Variants in NBAS observed in about 807,000 individuals in gnomAD.
NBAS encodes NBAS subunit of NRZ tethering complex, also known as NAG/BC035112 fusion.
In NBAS, 219 loss-of-function variants were observed where a neutral mutation model predicts 302.5. The observed-to-expected ratio is 0.72, with a 90% CI of 0.65 to 0.81. The LOEUF (loss-of-function observed/expected upper bound fraction) is 0.81, where lower values mean the gene tolerates loss of function less well. Among genes scored for constraint, NBAS ranks in the 30% least tolerant of loss-of-function variants. The pLI, the probability that NBAS is intolerant of heterozygous loss-of-function variation, is 0.00. For missense variants in NBAS, 2,932 were observed against 2,841.6 expected, an observed-to-expected ratio of 1.03 and a Z score of -0.72; for synonymous variants, 1,118 against 1,021.6, an observed-to-expected ratio of 1.09 and a Z score of -1.80.
chr2:15,411,708 A>G (rs1324119857), intron 25 of NBAS, among the ~76,000 whole-genome samples: 1 of 152,204 alleles, frequency 6.6e-6, no homozygotes, highest in Non-Finnish European at 1.5e-5. Flanking sequence ...GGACATTTAA[A>G]GCAGTTGTTC....
At chr2:15,006,675 C>A in the NBAS span, among the ~76,000 whole-genome samples, 1 of 152,158 alleles carries the variant, frequency 6.6e-6, no homozygotes, top group Admixed American at 6.5e-5. Context: ...TAATACATAA[C>A]TATTCGTTTA....
chr2:15,097,033 G>A, the NBAS span, among the ~76,000 whole-genome samples: 3 of 152,322 alleles, frequency 2.0e-5, no homozygotes, highest in African/African-American at 7.2e-5. Context: ...GAGAAGAGAA[G>A]GATGCAAGCT....
chr2:14,815,351 G>A, the NBAS span, among the ~76,000 whole-genome samples: 10 of 152,162 alleles, frequency 6.6e-5, no homozygotes, highest in Non-Finnish European at 1.5e-4. Flanking sequence ...TAGAGCCTGA[G>A]CACACACAGT....
the NBAS span, among the ~76,000 whole-genome samples, chr2:14,889,233 G>T: frequency 6.6e-6 from 1 of 152,324 alleles, no homozygotes; most frequent in East Asian, 1.9e-4. Context: ...GCAGCATCCT[G>T]TTTTGTATCT....
chr2:14,879,484 C>T, the NBAS span, among the ~76,000 whole-genome samples: 6 of 151,934 alleles, frequency 3.9e-5, no homozygotes, highest in African/African-American at 4.8e-5. Flanking sequence ...TGACATTAAC[C>T]GTATATTTTT....
the NBAS span, among the ~76,000 whole-genome samples, chr2:14,981,128 A>G: frequency 6.6e-6 from 1 of 152,224 alleles, no homozygotes; most frequent in South Asian, 2.1e-4. Context: ...TAAATGAAGC[A>G]TATGAGTTTC....
Position 15,534,776 on chromosome 2 carries a change from C to T in NBAS, c.648-135G>A, listed in dbSNP as rs571800906. The T allele has an allele frequency of 2.2e-5, 16 of 721,948 alleles. No individual in the cohort carries two copies. The South Asian group carries it at 2.3e-4, about 10-fold the overall frequency. 44.7% of individuals were successfully genotyped at this position (721,948 alleles called of 1,614,324 possible). On this transcript the variant is annotated intron_variant, in intron 8 of 51. Transcript: ENST00000281513. ...CTGAGGATATAAAACAACCAGAACT[C>T]GAATACGTCACAATGAGAAGGTAAT... is the stretch of plus-strand genomic sequence containing the variant.
the NBAS span, among the ~76,000 whole-genome samples, chr2:14,844,156 T>G: frequency 1.3e-5 from 2 of 151,950 alleles, no homozygotes; most frequent in Non-Finnish European, 2.9e-5. Context: ...TTTTTCCACT[T>G]AAAAAAAGAG....
rs369814990 is a variant in NBAS at position 15,359,694 on chromosome 2, CA to C, written c.3818-3279del. Among the ~76,000 whole-genome samples, 1,377 of 151,650 alleles carry C rather than the reference CA, an allele frequency of 9.1e-3. 20 individuals carry two copies. The highest frequency in any genetic ancestry group is 0.071 in the South Asian group (340 of 4,796). On this transcript the variant is annotated intron_variant, in intron 32 of 51. Coordinates refer to ENST00000281513, the MANE Select transcript of NBAS (RefSeq NM_015909.4). ...TTATTTGAATGGTAGGCTATCCGGA[CA>C]AAAAAAATTGTGATTATCTTTTTAA...
the NBAS span, among the ~76,000 whole-genome samples, chr2:15,158,750 C>T: frequency 6.6e-6 from 1 of 152,120 alleles, no homozygotes; most frequent in Admixed American, 6.5e-5. Flanking sequence ...AGGATGTGGC[C>T]CCAGGGCTCC....
rs1667513606 is a variant in NBAS at position 15,234,650 on chromosome 2, G to C, written c.6041C>G (p.Pro2014Arg). Residue 2014 changes from proline (P) to arginine (R), a missense_variant, in exon 46 of 52, where the codon CCT (proline) becomes CGT (arginine). Pro to Arg is a moderately radical substitution (Grantham distance 103). Coordinates refer to ENST00000281513, the MANE Select transcript of NBAS (RefSeq NM_015909.4). ...TAGCAGCTGCTGAATCATTGCTAGAGGCTGACCATCTAAACAAATAGCCAC... is the reference window on the plus strand; with the variant it reads ...TAGCAGCTGCTGAATCATTGCTAGACGCTGACCATCTAAACAAATAGCCAC... ...EAVAICLDGQ[P>R]LAMIQQLLEV... is the part of the protein sequence containing the mutation. The C allele has an allele frequency of 6.2e-7, 1 of 1,614,140 alleles. No homozygotes were observed.
intron 21 of NBAS, among the ~76,000 whole-genome samples, chr2:15,451,708 C>T (rs759008621): frequency 1.3e-5 from 2 of 152,078 alleles, no homozygotes; most frequent in Non-Finnish European, 2.9e-5. Context: ...AAAGTCTCCA[C>T]GTTTGCCTAT....
At chr2:15,189,762 C>T (rs1221834242) in intron 49 of NBAS, among the ~76,000 whole-genome samples, 2 of 152,150 alleles carry the variant, frequency 1.3e-5, no homozygotes, top group Non-Finnish European at 2.9e-5. Flanking sequence ...ACTTATTAGC[C>T]GTGTGAAGCC....
intron 16 of NBAS, among the ~76,000 whole-genome samples, chr2:15,471,061 T>G (rs1195774482): frequency 6.6e-6 from 1 of 152,188 alleles, no homozygotes; most frequent in African/African-American, 2.4e-5. Flanking sequence ...GCTCTTGCTC[T>G]TAACTGTCTA....
At chr2:15,429,022 A>AGCTACTCAGGAGG (rs1191886321) in intron 21 of NBAS, among the ~76,000 whole-genome samples, 3 of 143,002 alleles carry the variant, frequency 2.1e-5, no homozygotes, top group Non-Finnish European at 3.1e-5. Context: ...TGGGTGACAG[A>AGCTACTCAGGAGG]CTGATACTCT....
At chr2:15,477,146 C>T (rs1680226904) in intron 13 of NBAS, among the ~76,000 whole-genome samples, 1 of 152,170 alleles carries the variant, frequency 6.6e-6, no homozygotes, top group Non-Finnish European at 1.5e-5. Flanking sequence ...TAGTACTTTT[C>T]CTCAAAAATA....
chr2:15,025,738 T>C, the NBAS span, among the ~76,000 whole-genome samples: 3 of 152,264 alleles, frequency 2.0e-5, no homozygotes, highest in South Asian at 6.2e-4. Flanking sequence ...CTGAAAGAGA[T>C]TGCATTTCTG....
the NBAS span, among the ~76,000 whole-genome samples, chr2:15,098,402 T>TAA: frequency 6.8e-4 from 65 of 95,376 alleles, 15 homozygotes; most frequent in African/African-American, 3.3e-3. Context: ...ATATTATATA[T>TAA]TATATATGAT....
the NBAS span, among the ~76,000 whole-genome samples, chr2:14,838,263 AT>A: frequency 6.6e-6 from 1 of 151,742 alleles, no homozygotes; most frequent in African/African-American, 2.4e-5. Context: ...TCCATTCATT[AT>A]TTCCATTATG....
Sources: gnomAD v4.1 joint callset for allele counts (sites outside exome capture counted in the v4.1 genomes callset) on GRCh38, gnomAD v4.1.1 for gene constraint, MANE v1.5 for transcripts, NCBI Gene and HGNC (gene_info 2026-07-23, HGNC 2026-07-21) for gene names.